The following MIR2052HG variants were observed in gnomAD, a reference collection of about 807,000 sequenced individuals.
The protein encoded by MIR2052HG is MIR2052 host gene.
rs537419846 is a variant in MIR2052HG at position 74,616,877 on chromosome 8, A to G, written n.216+3937A>G. On this transcript the variant is annotated intron_variant and non_coding_transcript_variant, in intron 2 of 6. Transcript: ENST00000523442. ...AGAATGAGTCCTCCTCCTATAGACT[A>G]GGTGTCATTTAGCAAATGTTTCTGA... Among the ~76,000 whole-genome samples, 96 of 152,250 alleles carry G rather than the reference A, an allele frequency of 6.3e-4. 1 individual carries two copies. In the East Asian group the frequency reaches 0.018, roughly 28 times the overall value.
At chr8:74,700,484 A>G (rs181058756) in intron 2 of MIR2052HG, among the ~76,000 whole-genome samples, 4 of 152,322 alleles carry the variant, frequency 2.6e-5, no homozygotes, top group Admixed American at 1.3e-4. Context: ...AGTTAATTTA[A>G]TAACAATACT....
At chr8:74,612,202 A>G (rs1808207382) in intron 1 of MIR2052HG, among the ~76,000 whole-genome samples, 1 of 152,148 alleles carries the variant, frequency 6.6e-6, no homozygotes, top group South Asian at 2.1e-4. Context: ...TTTATCTCAC[A>G]ATGTTCCATT....
intron 2 of MIR2052HG, among the ~76,000 whole-genome samples, chr8:74,626,998 C>G (rs962186040): frequency 3.3e-5 from 5 of 152,194 alleles, no homozygotes; most frequent in African/African-American, 1.2e-4. Flanking sequence ...ATATTCTACT[C>G]TCCTCTGGCT....
intron 2 of MIR2052HG, among the ~76,000 whole-genome samples, chr8:74,685,708 T>C (rs1372112016): frequency 6.6e-6 from 1 of 152,032 alleles, no homozygotes; most frequent in Non-Finnish European, 1.5e-5. Flanking sequence ...AAATTAGTCA[T>C]GCATAATAAG....
chr8:74,685,673 A>G (rs1228614927), intron 2 of MIR2052HG, among the ~76,000 whole-genome samples: 1 of 152,124 alleles, frequency 6.6e-6, no homozygotes, highest in Non-Finnish European at 1.5e-5. Flanking sequence ...ATAATTGCCT[A>G]TGGATCAGAA....
intron 1 of MIR2052HG, among the ~76,000 whole-genome samples, chr8:74,609,526 T>G (rs1808160976): frequency 6.6e-6 from 1 of 151,746 alleles, no homozygotes; most frequent in Admixed American, 6.6e-5. Context: ...TCCTCATAAA[T>G]GTGATACAAA....
At chr8:74,736,650 G>C (rs1809747381) in intron 4 of MIR2052HG, among the ~76,000 whole-genome samples, 1 of 152,208 alleles carries the variant, frequency 6.6e-6, no homozygotes, top group Non-Finnish European at 1.5e-5. Context: ...TCCCATAGCT[G>C]ACATTTGTTC....
intron 4 of MIR2052HG, among the ~76,000 whole-genome samples, chr8:74,716,167 G>A (rs1414585549): frequency 6.6e-6 from 1 of 152,148 alleles, no homozygotes; most frequent in East Asian, 1.9e-4. Context: ...CACCTGAACA[G>A]TGAGGAAGCT....
At chr8:74,656,069 C>A (rs1197800285) in intron 2 of MIR2052HG, among the ~76,000 whole-genome samples, 2 of 152,082 alleles carry the variant, frequency 1.3e-5, no homozygotes, top group Non-Finnish European at 2.9e-5. Context: ...TTTGTTTTGG[C>A]CAATCTCTCC....
chr8:74,617,461 GT>G (rs1216460302), intron 2 of MIR2052HG, among the ~76,000 whole-genome samples: 39 of 19,468 alleles, frequency 2.0e-3, no homozygotes, highest in African/African-American at 9.2e-3. Context: ...CATTGGGTGT[GT>G]GTGTGTGTGT....
At chr8:74,719,415 C>G (rs1359208290) in intron 4 of MIR2052HG, among the ~76,000 whole-genome samples, 3 of 152,186 alleles carry the variant, frequency 2.0e-5, no homozygotes, top group African/African-American at 7.2e-5. Context: ...ACTTCCTGCC[C>G]TAGCTGTGGC....
chr8:74,627,306 T>A (rs1449622900), intron 2 of MIR2052HG, among the ~76,000 whole-genome samples: 1 of 152,192 alleles, frequency 6.6e-6, no homozygotes, highest in Admixed American at 6.5e-5. Context: ...TTTTTTGTTA[T>A]TTATTCTAGA....
intron 2 of MIR2052HG, among the ~76,000 whole-genome samples, chr8:74,644,727 C>T (rs1308485530): frequency 6.6e-6 from 1 of 151,634 alleles, no homozygotes; most frequent in African/African-American, 2.4e-5. Context: ...CCTGTCTCTA[C>T]AATAAATAAA....
chr8:74,638,415 T>A (rs1257111915), intron 2 of MIR2052HG, among the ~76,000 whole-genome samples: 1 of 152,172 alleles, frequency 6.6e-6, no homozygotes, highest in Non-Finnish European at 1.5e-5. Flanking sequence ...TAAACAACTT[T>A]ACATTTTGAC....
At chr8:74,648,829 C>G (rs942882870) in intron 2 of MIR2052HG, among the ~76,000 whole-genome samples, 2 of 152,104 alleles carry the variant, frequency 1.3e-5, no homozygotes, top group African/African-American at 4.8e-5. Flanking sequence ...TAGATCATAT[C>G]TAAGTGTTTA....
intron 2 of MIR2052HG, among the ~76,000 whole-genome samples, chr8:74,673,910 T>TATATATATATATATATACACAC (rs1485340799): frequency 1.5e-5 from 2 of 133,244 alleles, no homozygotes; most frequent in African/African-American, 6.8e-5. Context: ...TATATATATA[T>TATATATATATATATATACACAC]ACACACACAA....
At chr8:74,613,165 GCAA>G (rs1808225104) in intron 2 of MIR2052HG, among the ~76,000 whole-genome samples, 1 of 152,148 alleles carries the variant, frequency 6.6e-6, no homozygotes, top group Admixed American at 6.5e-5. Flanking sequence ...TTGGAGACCG[GCAA>G]CTACAAATAT....
intron 4 of MIR2052HG, among the ~76,000 whole-genome samples, chr8:74,736,773 C>G (rs568460455): frequency 6.6e-6 from 1 of 152,334 alleles, no homozygotes; most frequent in African/African-American, 2.4e-5. Flanking sequence ...TTTGCTAAAT[C>G]TGTTCTCCCA....
intron 4 of MIR2052HG, among the ~76,000 whole-genome samples, chr8:74,743,542 AT>A (rs1326047410): frequency 6.6e-6 from 1 of 152,212 alleles, no homozygotes; most frequent in Non-Finnish European, 1.5e-5. Context: ...ATCTCTAAGG[AT>A]TTCCAGACCT....
Sources: gnomAD v4.1 joint callset for allele counts (sites outside exome capture counted in the v4.1 genomes callset) on GRCh38, gnomAD v4.1.1 for gene constraint, MANE v1.5 for transcripts, NCBI Gene and HGNC (gene_info 2026-07-23, HGNC 2026-07-21) for gene names.